The following ADAMTS17 variants were observed in gnomAD, a reference collection of about 807,000 sequenced individuals.
ADAMTS17 encodes A disintegrin and metalloproteinase with thrombospondin motifs 17.
A neutral mutation model predicts 141.5 loss-of-function variants in ADAMTS17; 113 were observed. The ratio of observed to expected loss-of-function variants is 0.80; its 90% confidence interval spans 0.69 to 0.93. The LOEUF (loss-of-function observed/expected upper bound fraction) is 0.93. ADAMTS17 is among the 40% of genes least tolerant of loss of function. The pLI, the probability that ADAMTS17 is intolerant of heterozygous loss-of-function variation, is 0.00. For missense variants in ADAMTS17, 1,659 were observed against 1,517.9 expected, an observed-to-expected ratio of 1.09 and a Z score of -1.54; for synonymous variants, 768 against 630.6, an observed-to-expected ratio of 1.22 and a Z score of -3.27.
chr15:100,339,157 T>C (rs1176780388), intron 2 of ADAMTS17: 1 of 985,338 alleles, frequency 1.0e-6, no homozygotes, highest in East Asian at 1.1e-4. Context: ...CAGGTTCCTT[T>C]ATCTAAAGCA....
intron 12 of ADAMTS17, among the ~76,000 whole-genome samples, chr15:100,122,786 TTCC>T (rs1278963138): frequency 1.3e-5 from 2 of 152,174 alleles, no homozygotes; most frequent in East Asian, 1.9e-4. Context: ...CATAAAGGCC[TTCC>T]TCCTCATCAT....
At chr15:100,140,718 A>G (rs971852197) in intron 10 of ADAMTS17, among the ~76,000 whole-genome samples, 11 of 151,914 alleles carry the variant, frequency 7.2e-5, no homozygotes, top group African/African-American at 2.4e-4. Flanking sequence ...AACCCAGAAC[A>G]CAGGCTCCTT....
At chr15:100,135,185 AAAG>A (rs2038263531) in intron 10 of ADAMTS17, among the ~76,000 whole-genome samples, 1 of 152,258 alleles carries the variant, frequency 6.6e-6, no homozygotes, top group Non-Finnish European at 1.5e-5. Context: ...CCATCAAAGA[AAAG>A]AAGAATGAGG....
intron 7 of ADAMTS17, among the ~76,000 whole-genome samples, chr15:100,233,724 G>C (rs1027127392): frequency 6.6e-6 from 1 of 152,128 alleles, no homozygotes; most frequent in African/African-American, 2.4e-5. Context: ...CTCTTGAACA[G>C]AGACCTAACG....
intron 18 of ADAMTS17, among the ~76,000 whole-genome samples, chr15:99,999,621 T>C (rs1300664232): frequency 6.6e-6 from 1 of 152,140 alleles, no homozygotes; most frequent in Non-Finnish European, 1.5e-5. Flanking sequence ...CTGGTGGCTC[T>C]TGTTCAAATA....
intron 8 of ADAMTS17, among the ~76,000 whole-genome samples, chr15:100,169,281 T>A (rs1191450366): frequency 1.3e-5 from 2 of 152,168 alleles, no homozygotes; most frequent in Non-Finnish European, 2.9e-5. Flanking sequence ...ACATGGAACA[T>A]GCCCCTGAGG....
chr15:100,219,890 A>C (rs542266537), intron 7 of ADAMTS17, among the ~76,000 whole-genome samples: 267 of 152,320 alleles, frequency 1.8e-3, no homozygotes, highest in Non-Finnish European at 3.2e-3. Flanking sequence ...TCCACTGAGC[A>C]TTCTTTATAA....
At chr15:100,206,213 G>C (rs1166848075) in intron 7 of ADAMTS17, among the ~76,000 whole-genome samples, 1 of 152,198 alleles carries the variant, frequency 6.6e-6, no homozygotes, top group African/African-American at 2.4e-5. Flanking sequence ...CCAGAGAAAA[G>C]CCCTGTCTTC....
intron 4 of ADAMTS17, among the ~76,000 whole-genome samples, chr15:100,277,609 C>T (rs929814539): frequency 3.3e-5 from 5 of 152,230 alleles, no homozygotes; most frequent in Non-Finnish European, 7.3e-5. Context: ...TCCTCTCAGG[C>T]GTGCTCCGGG....
intron 10 of ADAMTS17, among the ~76,000 whole-genome samples, chr15:100,138,833 A>G (rs2038471261): frequency 6.6e-6 from 1 of 152,218 alleles, no homozygotes; most frequent in Admixed American, 6.5e-5. Context: ...TCTTAGGATT[A>G]CACCCTCGTG....
intron 3 of ADAMTS17, among the ~76,000 whole-genome samples, chr15:100,300,517 G>C (rs1039990178): frequency 6.6e-6 from 1 of 152,202 alleles, no homozygotes; most frequent in African/African-American, 2.4e-5. Flanking sequence ...CAAGAGGACA[G>C]TGCTTCCTTG....
At chr15:100,125,534 C>T (rs1163611265) in intron 12 of ADAMTS17, among the ~76,000 whole-genome samples, 1 of 152,188 alleles carries the variant, frequency 6.6e-6, no homozygotes, top group Non-Finnish European at 1.5e-5. Context: ...CACTCTCCTG[C>T]CCCTGCTGCA....
At chr15:100,148,526 T>C (rs1348796515) in intron 10 of ADAMTS17, among the ~76,000 whole-genome samples, 1 of 152,180 alleles carries the variant, frequency 6.6e-6, no homozygotes, top group Non-Finnish European at 1.5e-5. Context: ...ACAGCCTTTT[T>C]TTTTTTAGTA....
intron 18 of ADAMTS17, among the ~76,000 whole-genome samples, chr15:99,998,170 G>A (rs571569492): frequency 6.6e-6 from 1 of 152,318 alleles, no homozygotes; most frequent in Admixed American, 6.5e-5. Flanking sequence ...ACCGGTCCCA[G>A]CTTGATTAAC....
intron 7 of ADAMTS17, among the ~76,000 whole-genome samples, chr15:100,206,092 G>A (rs1008937629): frequency 6.6e-6 from 1 of 152,216 alleles, no homozygotes; most frequent in Non-Finnish European, 1.5e-5. Flanking sequence ...ACCATGGGTG[G>A]CTCCCTGTGT....
At chr15:99,976,632 G>C (rs1567630714) in intron 20 of ADAMTS17, 1 of 324,764 alleles carries the variant, frequency 3.1e-6, no homozygotes, top group East Asian at 8.1e-5. Flanking sequence ...GATGTCATGA[G>C]GGTGGAGCCT....
intron 18 of ADAMTS17, among the ~76,000 whole-genome samples, chr15:100,041,883 G>A (rs976036815): frequency 1.3e-5 from 2 of 152,184 alleles, no homozygotes; most frequent in Non-Finnish European, 2.9e-5. Flanking sequence ...AGAAATAAAG[G>A]AAAGTATAAA....
intron 15 of ADAMTS17, among the ~76,000 whole-genome samples, chr15:100,094,647 C>T (rs527820089): frequency 2.3e-4 from 35 of 152,284 alleles, no homozygotes; most frequent in African/African-American, 6.7e-4. Flanking sequence ...TACAGAATCA[C>T]GCACTTGTAG....
At position 100,267,885 on chromosome 15, in the gene ADAMTS17, T is replaced by C. The variant is rs139035603; in HGVS notation, c.790-5450A>G. Among the ~76,000 whole-genome samples the C allele has an allele frequency of 1.3e-3, 198 of 152,336 alleles. 3 individuals are homozygous for C. In the East Asian group the frequency reaches 0.014, roughly 11 times the overall value. On this transcript the variant is annotated intron_variant, in intron 4 of 21. Coordinates refer to ENST00000268070, the MANE Select transcript of ADAMTS17 (RefSeq NM_139057.4). ...TATCCTTTGTCTTACAGACAATACA[T>C]TTACACTTTTAGTTATTTTAAAATA...
Sources: allele counts gnomAD v4.1 joint callset (sites outside exome capture counted in the v4.1 genomes callset), GRCh38; gene constraint gnomAD v4.1.1; transcripts MANE v1.5; gene names NCBI Gene and HGNC (gene_info 2026-07-23, HGNC 2026-07-21).